Variants in ZNF16 observed in about 807,000 individuals in gnomAD.
ZNF16 encodes the protein zinc finger protein 16, also known as zinc finger protein KOX9.
A neutral mutation model predicts 9.0 loss-of-function variants in ZNF16; 7 were observed. That is an observed-to-expected ratio of 0.78 (90% CI 0.44 to 1.47). ZNF16 has a LOEUF of 1.47. Ranked by LOEUF, ZNF16 falls within the 40% of genes most tolerant of loss-of-function variation. The pLI is 0.01. For missense variants in ZNF16, 830 were observed against 854.2 expected (o/e 0.97, Z 0.35); for synonymous variants, 312 against 301.5 (o/e 1.03, Z -0.36).
At chr8:144,947,151 G>C (rs1388427520) in intron 1 of ZNF16, among the ~76,000 whole-genome samples, 3 of 114,858 alleles carry the variant, frequency 2.6e-5, no homozygotes, top group African/African-American at 3.9e-5. Flanking sequence ...ATACCCTTCT[G>C]TGGGCCTGTA....
At position 144,932,341 on chromosome 8, in the gene ZNF16, C is replaced by G; in HGVS notation, c.446G>C (p.Gly149Ala). ...ACCATTACAGTCCAGATCTTTCTCC[C>G]CTAAGGGGCCCCTAAGGAGCCCCAT... ...AAMGLLRGPL[G>A]EKDLDCNGFD... is the part of the protein sequence containing the mutation. Residue 149 changes from glycine (G) to alanine (A), a missense_variant, in exon 3 of 3, where the codon GGG (glycine) becomes GCG (alanine). Physicochemically the swap from Gly to Ala is moderately conservative, Grantham distance 60. Transcript: ENST00000394909. This position sits in a 1 kb window ranked among gnomAD's most constrained non-coding sequence, Gnocchi z 5.0. 6.2e-7 allele frequency: 1 copy of G among 1,614,090 alleles called. No homozygotes were observed. Among genetic ancestry groups the G allele is most frequent in the South Asian group, 1.1e-5 (1 of 91,082 alleles).
chr8:144,946,529 C>T (rs999458471), intron 1 of ZNF16, among the ~76,000 whole-genome samples: 1 of 133,058 alleles, frequency 7.5e-6, no homozygotes, highest in African/African-American at 2.9e-5. Flanking sequence ...CTGTGTCCTG[C>T]TGTGGGGCCT....
Sources: allele counts gnomAD v4.1 joint callset (sites outside exome capture counted in the v4.1 genomes callset), GRCh38; gene constraint gnomAD v4.1.1; non-coding constraint Gnocchi (gnomAD v3.1); transcripts MANE v1.5; gene names NCBI Gene and HGNC (gene_info 2026-07-23, HGNC 2026-07-21).